Variants in CCDC15 observed in about 807,000 individuals in gnomAD.
CCDC15 encodes coiled-coil domain-containing protein 15.
In CCDC15, 105 loss-of-function variants were observed where a neutral mutation model predicts 114.5. The ratio of observed to expected loss-of-function variants is 0.92; its 90% CI spans 0.78 to 1.08. The LOEUF (loss-of-function observed/expected upper bound fraction) is 1.08. Ranked by LOEUF, CCDC15 falls within the 50% of genes least tolerant of loss-of-function variation. The pLI is 0.00. For synonymous variants in CCDC15, 334 were observed against 377.8 expected (o/e 0.88, Z 1.34); for missense variants, 1,105 against 1,093.6 (o/e 1.01, Z -0.15).
At chr11:125,012,999 G>A (rs965730754) in intron 13 of CCDC15, among the ~76,000 whole-genome samples, 1 of 152,112 alleles carries the variant, frequency 6.6e-6, no homozygotes, top group South Asian at 2.1e-4. Context: ...TGATCTTCTA[G>A]TTTGTTGATA....
At chr11:125,026,829 C>CA (rs1183918465) in intron 13 of CCDC15, among the ~76,000 whole-genome samples, 6 of 152,040 alleles carry the variant, frequency 3.9e-5, no homozygotes, top group African/African-American at 1.4e-4. Context: ...GATTTTGGTG[C>CA]ACCCGTCACC....
At chr11:124,963,068 G>C (rs534901482) in intron 4 of CCDC15, among the ~76,000 whole-genome samples, 1 of 152,302 alleles carries the variant, frequency 6.6e-6, no homozygotes, top group South Asian at 2.1e-4. Context: ...ATTTGGGTTG[G>C]TTCCAAGCCT....
At chr11:125,001,039 A>G (rs1393238835) in intron 11 of CCDC15, among the ~76,000 whole-genome samples, 1 of 152,234 alleles carries the variant, frequency 6.6e-6, no homozygotes, top group Non-Finnish European at 1.5e-5. Context: ...TCTAACATGC[A>G]TATTTTTTCC....
chr11:124,996,820 G>C (rs1484280448), intron 11 of CCDC15, among the ~76,000 whole-genome samples: 1 of 152,158 alleles, frequency 6.6e-6, no homozygotes, highest in Non-Finnish European at 1.5e-5. Flanking sequence ...TTTTGTGCCT[G>C]CCTTATTTCA....
intron 6 of CCDC15, among the ~76,000 whole-genome samples, chr11:124,981,968 C>T (rs888059747): frequency 6.6e-6 from 1 of 152,132 alleles, no homozygotes; most frequent in Non-Finnish European, 1.5e-5. Flanking sequence ...AATCTGGTTG[C>T]ACTTGTATTG....
intron 6 of CCDC15, among the ~76,000 whole-genome samples, chr11:124,982,767 G>A (rs1948092061): frequency 6.6e-6 from 1 of 152,068 alleles, no homozygotes; most frequent in Admixed American, 6.6e-5. Context: ...TGTGTGGTTG[G>A]GGGATGGTCT....
At chr11:124,964,332 T>C (rs1450957044) in intron 4 of CCDC15, among the ~76,000 whole-genome samples, 1 of 152,236 alleles carries the variant, frequency 6.6e-6, no homozygotes, top group East Asian at 1.9e-4. Context: ...CAGTGGTTTG[T>C]AGTTCTCCTT....
chr11:125,001,293 TG>T, intron 11 of CCDC15, among the ~76,000 whole-genome samples: 1 of 152,342 alleles, frequency 6.6e-6, no homozygotes, highest in African/African-American at 2.4e-5. Context: ...TTCACAGCTC[TG>T]TGCATGTCTG....
Position 124,959,247 on chromosome 11 carries a change from C to A in CCDC15, c.310C>A (p.Gln104Lys). 1 of 1,578,660 alleles carries A rather than the reference C, an allele frequency of 6.3e-7. No homozygotes were observed. Among genetic ancestry groups the A allele is most frequent in the South Asian group, 1.2e-5 (1 of 82,686 alleles). Residue 104 changes from glutamine to lysine, a missense_variant, in exon 3 of 16, where the codon CAG becomes AAG. Gln to Lys is a moderately conservative substitution (Grantham distance 53, BLOSUM62 1). Transcript: ENST00000344762. ...TAGGTTGAGAAAAAAGCAACAGCTT[C>A]AGAAGTCTTATGAAAGAGTAAGTTC... ...QIRLRKKQQL[Q>K]KSYERAQKEG...
At chr11:124,991,662 A>G (rs1948271501) in intron 9 of CCDC15, 79 bp downstream of exon 9, 2 of 1,316,674 alleles carry the variant, frequency 1.5e-6, no homozygotes, top group Non-Finnish European at 2.1e-6. Flanking sequence ...ATTTAGAATG[A>G]GGGATTTTGG....
At chr11:124,995,945 T>C (rs1398228826) in intron 11 of CCDC15, among the ~76,000 whole-genome samples, 2 of 152,074 alleles carry the variant, frequency 1.3e-5, no homozygotes, top group East Asian at 3.9e-4. Flanking sequence ...TTCTTGTGCC[T>C]CAGCCTCCTG....
intron 4 of CCDC15, among the ~76,000 whole-genome samples, chr11:124,962,965 C>T (rs1947699395): frequency 6.6e-6 from 1 of 152,192 alleles, no homozygotes; most frequent in African/African-American, 2.4e-5. Flanking sequence ...CATGTCCCTA[C>T]AAAGGACATG....
chr11:125,013,188 G>A (rs766048431), intron 13 of CCDC15, among the ~76,000 whole-genome samples: 5 of 152,160 alleles, frequency 3.3e-5, no homozygotes, highest in Non-Finnish European at 7.3e-5. Flanking sequence ...ATAGTCTAGG[G>A]AGGTCAAGAA....
intron 13 of CCDC15, among the ~76,000 whole-genome samples, chr11:125,006,417 G>C (rs557670191): frequency 4.6e-5 from 7 of 152,086 alleles, no homozygotes; most frequent in Non-Finnish European, 8.8e-5. Context: ...AGAGTTCTTT[G>C]TATATTTTGA....
chr11:124,956,077 A>G (rs1374839395), intron 2 of CCDC15, among the ~76,000 whole-genome samples: 1 of 152,078 alleles, frequency 6.6e-6, no homozygotes, highest in East Asian at 1.9e-4. Flanking sequence ...TTAGTAGGAG[A>G]ATGGTTGCTG....
At chr11:125,027,742 G>C (rs1046334916) in intron 13 of CCDC15, among the ~76,000 whole-genome samples, 1 of 151,546 alleles carries the variant, frequency 6.6e-6, no homozygotes, top group Admixed American at 6.6e-5. Flanking sequence ...GTTTAATTAG[G>C]TACCATTTAT....
chr11:124,975,322 A>G (rs1947955998), intron 5 of CCDC15, 113 bp downstream of exon 5: 2 of 564,878 alleles, frequency 3.5e-6, no homozygotes, highest in South Asian at 3.3e-5. Context: ...AATAGCCTTA[A>G]ATACCCAATA....
chr11:124,967,891 C>G (rs913543208), intron 4 of CCDC15, among the ~76,000 whole-genome samples: 1 of 152,174 alleles, frequency 6.6e-6, no homozygotes, highest in Non-Finnish European at 1.5e-5. Context: ...CAGTCAGGTC[C>G]CTCAGCTGCA....
rs577723537 is a variant in CCDC15, at chr11:125,036,291, A to G, written c.2412-2140A>G. Among the ~76,000 whole-genome samples, 42 of 99,218 alleles carry G rather than the reference A, an allele frequency of 4.2e-4. No individual in the cohort carries two copies. In the South Asian group the frequency reaches 5.9e-3, roughly 14 times the overall value. 65.1% of individuals were successfully genotyped at this position (99,218 alleles called of 152,430 possible). On this transcript the variant is annotated intron_variant, in intron 13 of 15. Transcript: ENST00000344762. ...TTCTTTTTCCTTTGGCACTTTCAATATATTATGTCACTCTTTCCTGGCCTG... is the reference window on the plus strand; with the variant it reads ...TTCTTTTTCCTTTGGCACTTTCAATGTATTATGTCACTCTTTCCTGGCCTG...
Sources: gnomAD v4.1 joint callset for allele counts (sites outside exome capture counted in the v4.1 genomes callset) on GRCh38, gnomAD v4.1.1 for gene constraint, MANE v1.5 for transcripts, NCBI Gene and HGNC (gene_info 2026-07-23, HGNC 2026-07-21) for gene names.